TRAPPC9: variants seen among roughly 807,000 people sequenced by gnomAD.
The protein encoded by TRAPPC9 is trafficking protein particle complex subunit 9.
A neutral mutation model predicts 124.0 loss-of-function variants in TRAPPC9; 83 were observed. The ratio of observed to expected loss-of-function variants is 0.67; its 90% CI spans 0.56 to 0.80. TRAPPC9 has a LOEUF of 0.80. Ranked by LOEUF, TRAPPC9 falls within the 30% of genes least tolerant of loss-of-function variation. TRAPPC9 has a pLI of 0.00. For synonymous variants in TRAPPC9, 638 were observed against 617.5 expected (o/e 1.03, Z -0.49); for missense variants, 1,302 against 1,508.3 (o/e 0.86, Z 2.27).
chr8:139,733,686 G>A (rs1360749186), intron 21 of TRAPPC9, among the ~76,000 whole-genome samples: 6 of 152,248 alleles, frequency 3.9e-5, no homozygotes, highest in East Asian at 1.9e-4. Flanking sequence ...GGGAGAGCAG[G>A]TGGGCCACAA....
chr8:139,868,772 A>G (rs1563877068), intron 21 of TRAPPC9, among the ~76,000 whole-genome samples: 1 of 152,224 alleles, frequency 6.6e-6, no homozygotes, highest in African/African-American at 2.4e-5. Flanking sequence ...CTCTAAGGAC[A>G]GTTCTAAGCT....
chr8:140,428,419 A>T (rs1368536095), intron 4 of TRAPPC9, among the ~76,000 whole-genome samples: 4 of 152,226 alleles, frequency 2.6e-5, no homozygotes, highest in African/African-American at 4.8e-5. Flanking sequence ...CAGGCAGGAG[A>T]TAAGTAGAAA....
chr8:139,785,103 T>C (rs543630057), intron 21 of TRAPPC9, among the ~76,000 whole-genome samples: 1 of 152,296 alleles, frequency 6.6e-6, no homozygotes, highest in South Asian at 2.1e-4. Flanking sequence ...ACAGAATAAA[T>C]AGTCCAGAAA....
At chr8:140,041,702 T>G (rs1439401970) in intron 17 of TRAPPC9, among the ~76,000 whole-genome samples, 1 of 152,244 alleles carries the variant, frequency 6.6e-6, no homozygotes, top group Non-Finnish European at 1.5e-5. Flanking sequence ...CCAAGCGCAG[T>G]GGCTCATGCC....
In TRAPPC9 at chr8:140,208,719, T is replaced by C. The variant is rs2062986478; in HGVS notation, c.2556+12740A>G. Among the ~76,000 whole-genome samples the C allele has an allele frequency of 2.0e-5, 3 of 152,324 alleles. No individual in the cohort carries two copies. The South Asian group carries it at 6.2e-4, about 32-fold the overall frequency. Reference sequence around the variant, plus strand: ...GGCACTGGAAGTGCAGAGGTTCCTGTGGTATCCCACTCTGATCCATGGACA... The same window carrying C: ...GGCACTGGAAGTGCAGAGGTTCCTGCGGTATCCCACTCTGATCCATGGACA... On this transcript the variant is annotated intron_variant, in intron 17 of 22. Transcript: ENST00000438773.
chr8:140,171,408 T>C (rs984768211), intron 17 of TRAPPC9, among the ~76,000 whole-genome samples: 1 of 152,220 alleles, frequency 6.6e-6, no homozygotes. Flanking sequence ...TTTTACTGTA[T>C]GTATAAAATG....
chr8:140,436,641 T>C (rs1463575639), intron 3 of TRAPPC9, among the ~76,000 whole-genome samples: 1 of 152,100 alleles, frequency 6.6e-6, no homozygotes, highest in Non-Finnish European at 1.5e-5. Context: ...CTGTGTGCCC[T>C]TTAGGAGCCC....
At chr8:140,095,470 G>C (rs1844873224) in intron 17 of TRAPPC9, 1 of 152,192 alleles carries the variant, frequency 6.6e-6, no homozygotes. Flanking sequence ...TTCCCAGGGA[G>C]AGAGAGGAGT....
intron 9 of TRAPPC9, among the ~76,000 whole-genome samples, chr8:140,345,525 T>C (rs1182755745): frequency 6.6e-6 from 1 of 152,186 alleles, no homozygotes; most frequent in Non-Finnish European, 1.5e-5. Flanking sequence ...AAAAAAGGGC[T>C]GGTTCTCATC....
At chr8:140,441,111 T>C (rs1588361743) in intron 2 of TRAPPC9, among the ~76,000 whole-genome samples, 1 of 150,596 alleles carries the variant, frequency 6.6e-6, no homozygotes, top group Admixed American at 6.7e-5. Context: ...CCCCAGTAAC[T>C]GGGACCACAG....
intron 8 of TRAPPC9, among the ~76,000 whole-genome samples, chr8:140,370,057 C>T (rs138320678): frequency 1.3e-5 from 2 of 152,300 alleles, no homozygotes; most frequent in African/African-American, 4.8e-5. Flanking sequence ...GAAGCCTATA[C>T]CTTCACTAGC....
chr8:139,795,615 T>C (rs926007069), intron 21 of TRAPPC9, among the ~76,000 whole-genome samples: 1 of 152,138 alleles, frequency 6.6e-6, no homozygotes, highest in Non-Finnish European at 1.5e-5. Context: ...CTTTGATGAG[T>C]ACTTACAGTC....
chr8:139,857,694 G>A (rs895729454), intron 21 of TRAPPC9, among the ~76,000 whole-genome samples: 29 of 152,300 alleles, frequency 1.9e-4, no homozygotes, highest in Admixed American at 7.2e-4. Flanking sequence ...CTGCCTGGGC[G>A]GCCCGCTGCT....
At chr8:139,832,077 C>T (rs1826031284) in intron 21 of TRAPPC9, among the ~76,000 whole-genome samples, 1 of 152,206 alleles carries the variant, frequency 6.6e-6, no homozygotes, top group Admixed American at 6.5e-5. Flanking sequence ...ACAGGCGTCC[C>T]CTGCCAGTAA....
At chr8:140,248,525 T>C (rs4409383) in intron 16 of TRAPPC9, among the ~76,000 whole-genome samples, 9,537 of 152,328 alleles carry the variant, frequency 0.063, 533 homozygotes, top group African/African-American at 0.15. Context: ...CATCTACTTA[T>C]ATTTTGGGGT....
intron 17 of TRAPPC9, among the ~76,000 whole-genome samples, chr8:140,156,010 C>T (rs541006733): frequency 6.6e-6 from 1 of 152,152 alleles, no homozygotes; most frequent in African/African-American, 2.4e-5. Flanking sequence ...CTGGGGGGCC[C>T]GAGCTCCCTC....
intron 21 of TRAPPC9, among the ~76,000 whole-genome samples, chr8:139,796,511 G>T (rs962588537): frequency 2.0e-5 from 3 of 152,130 alleles, no homozygotes; most frequent in Non-Finnish European, 4.4e-5. Flanking sequence ...ACACTATGTG[G>T]CCTTCTGTGC....
intron 17 of TRAPPC9, among the ~76,000 whole-genome samples, chr8:140,078,924 T>C (rs1482251147): frequency 6.6e-6 from 1 of 152,128 alleles, no homozygotes; most frequent in Non-Finnish European, 1.5e-5. Flanking sequence ...TTTCCAGTGA[T>C]ATGGTTTGGC....
At chr8:140,116,324 G>A (rs566394964) in intron 17 of TRAPPC9, among the ~76,000 whole-genome samples, 76 of 152,250 alleles carry the variant, frequency 5.0e-4, no homozygotes, top group Middle Eastern at 3.4e-3. Flanking sequence ...AAGAGTCCAT[G>A]GCCAACTTTC....
Sources: gnomAD v4.1 joint callset for allele counts (sites outside exome capture counted in the v4.1 genomes callset) on GRCh38, gnomAD v4.1.1 for gene constraint, MANE v1.5 for transcripts, NCBI Gene and HGNC (gene_info 2026-07-23, HGNC 2026-07-21) for gene names.